The following ZFC3H1 variants were observed in gnomAD, a reference collection of about 807,000 sequenced individuals.
ZFC3H1 encodes zinc finger C3H1-type containing, also known as zinc finger C3H1 domain-containing protein.
In ZFC3H1, 71 loss-of-function variants were observed where a neutral mutation model predicts 243.7. The observed-to-expected ratio is 0.29, with a 90% CI of 0.24 to 0.36. The LOEUF is 0.36. Ranked by LOEUF, ZFC3H1 falls within the 10% of genes least tolerant of loss-of-function variation. ZFC3H1 has a pLI of 1.00. For missense variants in ZFC3H1, 1,966 were observed against 2,317.1 expected, an observed-to-expected ratio of 0.85 and a Z score of 3.11; for synonymous variants, 838 against 813.0, an observed-to-expected ratio of 1.03 and a Z score of -0.52.
intron 2 of ZFC3H1, among the ~76,000 whole-genome samples, chr12:71,654,080 TAAA>T (rs550301437): frequency 9.2e-4 from 140 of 152,082 alleles, no homozygotes; most frequent in Non-Finnish European, 1.5e-3. Context: ...AAATATCTTT[TAAA>T]AAGAGTAAAC....
chr12:71,647,723 G>C (rs1267877355), intron 3 of ZFC3H1, 26 bp downstream of exon 3: 2 of 1,343,316 alleles, frequency 1.5e-6, no homozygotes, highest in Non-Finnish European at 2.1e-6. Context: ...TTACAGAGAT[G>C]ATAGTCTCAC....
chr12:71,611,455 T>TA (rs35163450), intron 32 of ZFC3H1: 112,155 of 175,168 alleles, frequency 0.64, 39,846 homozygotes, highest in Non-Finnish European at 0.79. Flanking sequence ...CTACAACAGG[T>TA]GACACACCAC....
chr12:71,643,162 A>G (rs1198582897), intron 5 of ZFC3H1, among the ~76,000 whole-genome samples: 1 of 152,086 alleles, frequency 6.6e-6, no homozygotes, highest in Non-Finnish European at 1.5e-5. Flanking sequence ...TATCTCTAGA[A>G]AAAGATTCTA....
chr12:71,620,251 T>G lies in ZFC3H1; in HGVS notation c.4809A>C (p.Pro1603=), dbSNP rs999212575. Residue 1603 remains proline (P), a synonymous_variant, in exon 25 of 35, where the codon CCA becomes CCC. Transcript: ENST00000378743. ...GCAGAGCAATCATGTTTGTGTAAAGTGGAAGGCAGGCCTCTATTCTTTCCT... is the reference window on the plus strand; with the variant it reads ...GCAGAGCAATCATGTTTGTGTAAAGGGGAAGGCAGGCCTCTATTCTTTCCT... The part of the protein sequence containing the change: ...AVEERIEACL[P]LYTNMIALHQ... 6.2e-7 allele frequency: 1 copy of G among 1,614,080 alleles called. No homozygotes were observed. Among genetic ancestry groups the G allele is most frequent in the Non-Finnish European group, 8.5e-7 (1 of 1,180,040 alleles).
At chr12:71,645,970 A>G (rs954201036) in intron 3 of ZFC3H1, among the ~76,000 whole-genome samples, 2 of 152,106 alleles carry the variant, frequency 1.3e-5, no homozygotes, top group Non-Finnish European at 2.9e-5. Flanking sequence ...TTCTTTATGT[A>G]TGTGCATGGA....
chr12:71,641,307 C>T (rs1008075012), intron 6 of ZFC3H1, among the ~76,000 whole-genome samples: 1 of 152,176 alleles, frequency 6.6e-6, no homozygotes, highest in African/African-American at 2.4e-5. Flanking sequence ...CTTAAAGTAA[C>T]AACCTGAAAA....
chr12:71,644,944 C>T lies in ZFC3H1; in HGVS notation c.1212G>A (p.Thr404=), dbSNP rs747959154. The change falls in exon 4 of 35, where the codon ACG becomes ACA. Residue 404 remains threonine, a synonymous_variant. Transcript: ENST00000378743. ...TTTTAACTTTTTGCTGTACAGTTTT[C>T]GTCTTAGTCAACTTTTCTTTGCTTT... ...MKESKEKLTK[T]KTVQQKVKTS... 4.4e-5 allele frequency: 71 copies of T among 1,612,856 alleles called. No individual in the cohort carries two copies. The highest frequency in any genetic ancestry group is 5.8e-5 in the Non-Finnish European group (68 of 1,180,010).
rs1880585338 is a variant in ZFC3H1, at chr12:71,640,881, C to T, written c.1627+1555G>A. Among the ~76,000 whole-genome samples, 4 of 151,636 alleles carry T rather than the reference C, an allele frequency of 2.6e-5. 1 individual carries two copies. Among genetic ancestry groups the T allele is most frequent in the Admixed American group, 2.6e-4 (4 of 15,260 alleles). ...TTCTCTTGGTTTTTTTTTTCCCCCG[C>T]CCGGCGAAAAACTCTATATGGAAAA... On this transcript the variant is annotated intron_variant, in intron 6 of 34. Transcript: ENST00000378743.
intron 20 of ZFC3H1, 65 bp downstream of exon 20, chr12:71,628,853 G>A: frequency 6.7e-7 from 1 of 1,491,240 alleles, no homozygotes; most frequent in Non-Finnish European, 8.9e-7. Context: ...GATTAGCAAA[G>A]TGTTAAATAA....
chr12:71,658,964 C>G (rs569879359), intron 1 of ZFC3H1, among the ~76,000 whole-genome samples: 16 of 152,048 alleles, frequency 1.1e-4, no homozygotes, highest in African/African-American at 3.6e-4. Context: ...TTTTTTTTTA[C>G]CTGACCCCTC....
chr12:71,624,902 G>A (rs879664201), intron 22 of ZFC3H1, among the ~76,000 whole-genome samples: 2 of 152,212 alleles, frequency 1.3e-5, no homozygotes, highest in Non-Finnish European at 2.9e-5. Context: ...AGGAGACGGA[G>A]GTTGCAGTGA....
intron 2 of ZFC3H1, chr12:71,656,616 T>A: frequency 1.6e-6 from 1 of 611,816 alleles, no homozygotes; most frequent in Non-Finnish European, 2.8e-6. Context: ...CCATTTTCTT[T>A]AAATTAGGAA....
chr12:71,623,959 G>A (rs1477890343), intron 23 of ZFC3H1, 145 bp downstream of exon 23: 1 of 783,272 alleles, frequency 1.3e-6, no homozygotes, highest in Non-Finnish European at 2.0e-6. Flanking sequence ...CTTACCCAAT[G>A]TCACATGACT....
chr12:71,611,731 A>G (rs1879779441), intron 32 of ZFC3H1, 55 bp downstream of exon 32: 2 of 1,100,516 alleles, frequency 1.8e-6, no homozygotes, highest in Non-Finnish European at 2.6e-6. Flanking sequence ...GTCTGGAGCA[A>G]ACCTTATAAA....
At chr12:71,662,753 T>C (rs1417678607) in intron 1 of ZFC3H1, among the ~76,000 whole-genome samples, 1 of 152,190 alleles carries the variant, frequency 6.6e-6, no homozygotes, top group Non-Finnish European at 1.5e-5. Flanking sequence ...AAGGTATTAT[T>C]ACAAATCAGA....
At chr12:71,616,894 C>G (rs1045973029) in intron 27 of ZFC3H1, among the ~76,000 whole-genome samples, 11 of 152,128 alleles carry the variant, frequency 7.2e-5, no homozygotes, top group African/African-American at 2.7e-4. Context: ...GAAGAGATGA[C>G]TTCAAATCTA....
Position 71,620,034 on chromosome 12 carries a change from C to T in ZFC3H1, c.4941G>A (p.Leu1647=), listed in dbSNP as rs756417398. 29 of 1,612,708 alleles carry T rather than the reference C, an allele frequency of 1.8e-5. No individual in the cohort carries two copies. Among genetic ancestry groups the T allele is most frequent in the Non-Finnish European group, 2.4e-5 (28 of 1,179,800 alleles). ...TGGCTTTGTCATGCTGATTTGTTTGCAAATATAATGCAACAAGAGCTTCCA... is the reference window on the plus strand; with the variant it reads ...TGGCTTTGTCATGCTGATTTGTTTGTAAATATAATGCAACAAGAGCTTCCA... ...QLLEALVALY[L]QTNQHDKARA... is the part of the protein sequence containing the mutation. Residue 1647 remains leucine, a synonymous_variant, in exon 26 of 35, where the codon TTG becomes TTA. Transcript: ENST00000378743.
intron 21 of ZFC3H1, among the ~76,000 whole-genome samples, chr12:71,626,810 C>A (rs1210652529): frequency 6.6e-6 from 1 of 152,236 alleles, no homozygotes; most frequent in Non-Finnish European, 1.5e-5. Context: ...AACTCTCTCT[C>A]AAGGCCAGCT....
chr12:71,662,336 C>T (rs1322337976), intron 1 of ZFC3H1, among the ~76,000 whole-genome samples: 1 of 152,212 alleles, frequency 6.6e-6, no homozygotes, highest in Non-Finnish European at 1.5e-5. Context: ...GTTTATCTTT[C>T]TCTCTCTGGC....
Sources: gnomAD v4.1 joint callset for allele counts (sites outside exome capture counted in the v4.1 genomes callset) on GRCh38, gnomAD v4.1.1 for gene constraint, MANE v1.5 for transcripts, NCBI Gene and HGNC (gene_info 2026-07-23, HGNC 2026-07-21) for gene names.